The following ENTREP2 variants were observed in gnomAD, a reference collection of about 807,000 sequenced individuals.
ENTREP2 encodes endosomal transmembrane epsin interactor 2.
chr15:29,328,878 T>A, the ENTREP2 span, among the ~76,000 whole-genome samples: 1 of 152,208 alleles, frequency 6.6e-6, no homozygotes, highest in South Asian at 2.1e-4. Flanking sequence ...ATACATGTGT[T>A]GGTATACACT....
At chr15:29,132,193 G>A in the ENTREP2 span, among the ~76,000 whole-genome samples, 3 of 152,162 alleles carry the variant, frequency 2.0e-5, no homozygotes, top group Admixed American at 6.5e-5. Flanking sequence ...TGCCTCGCCC[G>A]GGCTGCGGGG....
chr15:29,523,561 ATTTTTTTTTT>A, the ENTREP2 span, among the ~76,000 whole-genome samples: 21 of 78,508 alleles, frequency 2.7e-4, no homozygotes, highest in South Asian at 3.1e-3. Flanking sequence ...TCCCAGCTAG[ATTTTTTTTTT>A]TTTTTTTTTT....
chr15:29,663,090 T>C, the ENTREP2 span, among the ~76,000 whole-genome samples: 53 of 152,206 alleles, frequency 3.5e-4, no homozygotes, highest in Non-Finnish European at 1.3e-4. Context: ...CTAGGGTACT[T>C]GATCTGCTGT....
chr15:29,294,114 C>T, the ENTREP2 span, among the ~76,000 whole-genome samples: 1 of 152,180 alleles, frequency 6.6e-6, no homozygotes, highest in Non-Finnish European at 1.5e-5. Context: ...TCTGGGGGGA[C>T]AGTCAACACA....
the ENTREP2 span, among the ~76,000 whole-genome samples, chr15:29,332,898 G>C: frequency 1.3e-5 from 2 of 149,968 alleles, no homozygotes; most frequent in African/African-American, 4.9e-5. Context: ...GGCGGAGGTT[G>C]CAGTGAGCCG....
the ENTREP2 span, among the ~76,000 whole-genome samples, chr15:29,253,237 A>G: frequency 4.3e-3 from 661 of 152,290 alleles, 2 homozygotes; most frequent in African/African-American, 0.015. Context: ...GGAATCTTAG[A>G]CAGTCTATGG....
the ENTREP2 span, among the ~76,000 whole-genome samples, chr15:29,661,446 G>T: frequency 6.6e-6 from 1 of 152,086 alleles, no homozygotes; most frequent in South Asian, 2.1e-4. Flanking sequence ...TGATCTGCCC[G>T]CCTCGGCCTC....
chr15:29,611,514 G>A, the ENTREP2 span, among the ~76,000 whole-genome samples: 6 of 151,986 alleles, frequency 3.9e-5, no homozygotes, highest in East Asian at 1.9e-4. Context: ...GACCCTCCAC[G>A]TGCACCCTTA....
chr15:29,240,209 A>T, the ENTREP2 span, among the ~76,000 whole-genome samples: 19 of 152,204 alleles, frequency 1.2e-4, no homozygotes, highest in South Asian at 3.7e-3. Context: ...CTAAAAATAC[A>T]AAAAATTAGC....
At chr15:29,251,161 T>C in the ENTREP2 span, among the ~76,000 whole-genome samples, 2 of 152,176 alleles carry the variant, frequency 1.3e-5, no homozygotes, top group African/African-American at 4.8e-5. Flanking sequence ...CTCAGAATCA[T>C]AGCCACAGGT....
chr15:29,635,133 G>A, the ENTREP2 span, among the ~76,000 whole-genome samples: 5 of 152,076 alleles, frequency 3.3e-5, no homozygotes, highest in Admixed American at 1.3e-4. Flanking sequence ...ATGAGCCACC[G>A]CACCCGGCCT....
At chr15:29,452,969 G>A in the ENTREP2 span, among the ~76,000 whole-genome samples, 10 of 152,106 alleles carry the variant, frequency 6.6e-5, no homozygotes, top group African/African-American at 2.4e-4. Flanking sequence ...GAGAGAGGCC[G>A]AGAGGAAATT....
At chr15:29,214,384 T>C in the ENTREP2 span, among the ~76,000 whole-genome samples, 3 of 152,164 alleles carry the variant, frequency 2.0e-5, no homozygotes. Flanking sequence ...TTCATGTCCT[T>C]TGTAGGGACA....
chr15:29,653,842 G>A, the ENTREP2 span, among the ~76,000 whole-genome samples: 16 of 151,624 alleles, frequency 1.1e-4, no homozygotes, highest in East Asian at 3.1e-3. Flanking sequence ...GAGAGCTTAC[G>A]CTTACCAGGG....
chr15:29,185,797 G>A, the ENTREP2 span, among the ~76,000 whole-genome samples: 2 of 152,116 alleles, frequency 1.3e-5, no homozygotes, highest in African/African-American at 4.8e-5. Context: ...CCTGACCTCA[G>A]GTGATCTGCC....
the ENTREP2 span, among the ~76,000 whole-genome samples, chr15:29,612,365 G>T: frequency 6.6e-6 from 1 of 152,220 alleles, no homozygotes; most frequent in East Asian, 1.9e-4. Flanking sequence ...AGGAGATGAC[G>T]GCGTGAGTTT....
chr15:29,536,017 G>A, the ENTREP2 span, among the ~76,000 whole-genome samples: 1 of 152,062 alleles, frequency 6.6e-6, no homozygotes, highest in African/African-American at 2.4e-5. Flanking sequence ...CTCTTCCCTC[G>A]GACAGATCCC....
the ENTREP2 span, among the ~76,000 whole-genome samples, chr15:29,226,081 G>T: frequency 6.6e-6 from 1 of 152,216 alleles, no homozygotes; most frequent in African/African-American, 2.4e-5. Flanking sequence ...TTGTCTCCAG[G>T]ACTTGTCTTG....
the ENTREP2 span, among the ~76,000 whole-genome samples, chr15:29,202,729 T>C: frequency 1.3e-5 from 2 of 152,164 alleles, no homozygotes; most frequent in African/African-American, 4.8e-5. Flanking sequence ...AGTGAGAACA[T>C]GCAGTGTTTG....
Sources: allele counts gnomAD v4.1 joint callset (sites outside exome capture counted in the v4.1 genomes callset), GRCh38; gene constraint gnomAD v4.1.1; transcripts MANE v1.5; gene names NCBI Gene and HGNC (gene_info 2026-07-23, HGNC 2026-07-21).